The following POLK variants were observed in gnomAD, a reference collection of about 807,000 sequenced individuals.
POLK encodes the protein DNA polymerase kappa.
Under a neutral mutation model 94.0 loss-of-function variants are expected in POLK, and 76 were observed. The ratio of observed to expected loss-of-function variants is 0.81; its 90% CI spans 0.67 to 0.98. The LOEUF is 0.98. POLK is among the 50% of genes least tolerant of loss of function. POLK has a pLI of 0.00. For synonymous variants in POLK, 349 were observed against 325.4 expected (o/e 1.07, Z -0.78); for missense variants, 954 against 1,010.1 (o/e 0.94, Z 0.75).
chr5:75,531,817 G>T (rs79378147), intron 1 of POLK, among the ~76,000 whole-genome samples: 1 of 151,984 alleles, frequency 6.6e-6, no homozygotes, highest in South Asian at 2.1e-4. Flanking sequence ...AAAGTAAGCT[G>T]TAAACTTATC....
chr5:75,550,657 C>T (rs903690478), intron 2 of POLK, among the ~76,000 whole-genome samples: 5 of 151,932 alleles, frequency 3.3e-5, no homozygotes, highest in African/African-American at 1.2e-4. Context: ...GCAAAAAAAC[C>T]ACACGATCAT....
downstream of POLK, among the ~76,000 whole-genome samples, chr5:75,604,251 T>G (rs1248876800): frequency 6.6e-6 from 1 of 152,186 alleles, no homozygotes; most frequent in Non-Finnish European, 1.5e-5. Flanking sequence ...ATTATTATAC[T>G]GTGTCGTTTT....
chr5:75,532,575 C>A (rs200086620), intron 1 of POLK, among the ~76,000 whole-genome samples: 1 of 151,996 alleles, frequency 6.6e-6, no homozygotes, highest in African/African-American at 2.4e-5. Flanking sequence ...TATGGTAGAA[C>A]GATGTATATT....
At chr5:75,545,662 T>G (rs1393265654) in intron 1 of POLK, among the ~76,000 whole-genome samples, 6 of 142,322 alleles carry the variant, frequency 4.2e-5, no homozygotes, top group South Asian at 2.1e-4. Flanking sequence ...ACTTTCTAGG[T>G]TTTTTTTTCT....
intron 6 of POLK, among the ~76,000 whole-genome samples, chr5:75,579,847 G>A (rs1772108226): frequency 6.6e-6 from 1 of 151,470 alleles, no homozygotes; most frequent in African/African-American, 2.4e-5. Context: ...AGGAGTTTGA[G>A]ACCACCCTGG....
At chr5:75,535,272 A>C (rs1769385691) in intron 1 of POLK, among the ~76,000 whole-genome samples, 1 of 152,120 alleles carries the variant, frequency 6.6e-6, no homozygotes, top group Admixed American at 6.5e-5. Flanking sequence ...AAGAATGCTG[A>C]ATATAGGTCC....
chr5:75,526,138 C>T (rs1024125241), intron 1 of POLK, among the ~76,000 whole-genome samples: 3 of 151,850 alleles, frequency 2.0e-5, no homozygotes, highest in South Asian at 2.1e-4. Context: ...TATAGAATTT[C>T]GTATTTTATA....
At chr5:75,549,507 A>C (rs1770230732) in intron 2 of POLK, among the ~76,000 whole-genome samples, 2 of 151,770 alleles carry the variant, frequency 1.3e-5, no homozygotes, top group South Asian at 4.2e-4. Flanking sequence ...CTTTCATATA[A>C]ATTTTATGTG....
intron 1 of POLK, among the ~76,000 whole-genome samples, chr5:75,519,071 C>T (rs1413018469): frequency 6.6e-6 from 1 of 152,190 alleles, no homozygotes; most frequent in Non-Finnish European, 1.5e-5. Flanking sequence ...AACAGTCCTT[C>T]CACCTTGACC....
At chr5:75,511,287 G>A (rs113315575), upstream of POLK, 317 of 1,574,570 alleles carry the variant, frequency 2.0e-4, no homozygotes, top group Middle Eastern at 5.5e-3. Flanking sequence ...TCGGGGTGAA[G>A]GGTCGGGGGA....
At chr5:75,602,816 C>T (rs1384480515), downstream of POLK, among the ~76,000 whole-genome samples, 1 of 152,154 alleles carries the variant, frequency 6.6e-6, no homozygotes, top group African/African-American at 2.4e-5. Context: ...TAGAGCTATA[C>T]ACCTTTCCTC....
exon 15 of POLK, chr5:75,598,011 T>A (rs1027331825): frequency 8.4e-7 from 1 of 1,196,672 alleles, no homozygotes; most frequent in Non-Finnish European, 1.2e-6. Flanking sequence ...GATATATTTT[T>A]TAAGTAAACA....
intron 1 of POLK, among the ~76,000 whole-genome samples, chr5:75,528,381 T>G (rs1224438221): frequency 6.6e-6 from 1 of 152,120 alleles, no homozygotes; most frequent in Non-Finnish European, 1.5e-5. Context: ...CCCAAAATAT[T>G]ATATTAATGA....
intron 1 of POLK, among the ~76,000 whole-genome samples, chr5:75,530,245 CTT>C (rs575507126): frequency 2.1e-5 from 2 of 95,938 alleles, no homozygotes; most frequent in African/African-American, 7.8e-5. Context: ...ATTTGTATTT[CTT>C]TTTTTTTTTT....
chr5:75,543,214 G>T (rs1422366974), intron 1 of POLK, among the ~76,000 whole-genome samples: 2 of 149,570 alleles, frequency 1.3e-5, no homozygotes, highest in African/African-American at 4.9e-5. Context: ...AGCTAATTTT[G>T]TATTTTAAGT....
intron 10 of POLK, 69 bp from the exon 11 acceptor site, chr5:75,590,275 G>T: frequency 1.4e-6 from 1 of 740,308 alleles, no homozygotes. Flanking sequence ...ATATAAACAT[G>T]CATACCATTT....
At chr5:75,593,035 A>G (rs1197396623) in intron 11 of POLK, among the ~76,000 whole-genome samples, 1 of 152,184 alleles carries the variant, frequency 6.6e-6, no homozygotes, top group Non-Finnish European at 1.5e-5. Context: ...CAGCCTGGGC[A>G]ATAGAATGGG....
chr5:75,576,717 A>G, intron 5 of POLK, 63 bp from the exon 6 acceptor site: 2 of 768,656 alleles, frequency 2.6e-6, no homozygotes, highest in Non-Finnish European at 4.0e-6. Context: ...CTTATCAGCT[A>G]CATATGACAG....
At chr5:75,594,113 T>C (rs936922679) in intron 12 of POLK, 64 bp downstream of exon 12, 126 of 1,288,212 alleles carry the variant, frequency 9.8e-5, no homozygotes, top group Admixed American at 1.5e-4. Flanking sequence ...TAATCAACTT[T>C]GGGAATACAG....
Sources: gnomAD v4.1 joint callset for allele counts (sites outside exome capture counted in the v4.1 genomes callset) on GRCh38, gnomAD v4.1.1 for gene constraint, MANE v1.5 for transcripts, NCBI Gene and HGNC (gene_info 2026-07-23, HGNC 2026-07-21) for gene names.